The following ARHGAP31 variants were observed in gnomAD, a reference collection of about 807,000 sequenced individuals.
ARHGAP31 encodes the protein Rho GTPase activating protein 31, also known as rho GTPase-activating protein 31.
ARHGAP31 carries 34 observed loss-of-function variants against 113.9 expected under a neutral mutation model. The observed-to-expected ratio is 0.30, with a 90% CI of 0.23 to 0.40. The LOEUF (loss-of-function observed/expected upper bound fraction) is 0.40, where lower values mean the gene tolerates loss of function less well. ARHGAP31 is among the 10% of genes least tolerant of loss of function. The pLI is 1.00. For synonymous variants in ARHGAP31, 650 were observed against 684.8 expected (o/e 0.95, Z 0.79); for missense variants, 1,548 against 1,767.1 (o/e 0.88, Z 2.22).
At chr3:119,332,847 G>A (rs1338053983) in intron 1 of ARHGAP31, among the ~76,000 whole-genome samples, 2 of 152,040 alleles carry the variant, frequency 1.3e-5, no homozygotes, top group Admixed American at 1.3e-4. Context: ...AGAGGTCAAG[G>A]TACTTTCACA....
chr3:119,308,387 G>A (rs1386297376), intron 1 of ARHGAP31, among the ~76,000 whole-genome samples: 2 of 152,216 alleles, frequency 1.3e-5, no homozygotes, highest in Admixed American at 6.5e-5. Flanking sequence ...GGTGCAAGAT[G>A]TATTTCTGGA....
intron 1 of ARHGAP31, among the ~76,000 whole-genome samples, chr3:119,306,465 G>A (rs9830421): frequency 0.056 from 8,452 of 152,262 alleles, 664 homozygotes; most frequent in African/African-American, 0.17. Context: ...GCTGAGGCAC[G>A]AGAATTGCTT....
At chr3:119,321,656 T>G (rs941586960) in intron 1 of ARHGAP31, among the ~76,000 whole-genome samples, 7 of 152,092 alleles carry the variant, frequency 4.6e-5, no homozygotes, top group Admixed American at 2.6e-4. Flanking sequence ...CCGTAGGTTT[T>G]GTTTTGTTTT....
chr3:119,297,789 T>G (rs1038713472), intron 1 of ARHGAP31, among the ~76,000 whole-genome samples: 6 of 152,148 alleles, frequency 3.9e-5, no homozygotes, highest in African/African-American at 1.4e-4. Context: ...TGGACAAACC[T>G]GACAAGGCTG....
intron 1 of ARHGAP31, among the ~76,000 whole-genome samples, chr3:119,325,651 C>T (rs1162189287): frequency 2.4e-3 from 8 of 3,378 alleles, no homozygotes; most frequent in African/African-American, 5.3e-3. Context: ...GTGGGGATGG[C>T]GGGGGTTGGG....
At position 119,329,667 on chromosome 3, in the gene ARHGAP31, G is replaced by A. The variant is rs191559394; in HGVS notation, c.100+34663G>A. ...CTCTCACAGGGCCTTCCCACCCCCA[G>A]CCAGCTGTATCCAAGGTTACAGTGG... On this transcript the variant is annotated intron_variant, in intron 1 of 11. Coordinates refer to ENST00000264245, the MANE Select transcript of ARHGAP31 (RefSeq NM_020754.4). Among the ~76,000 whole-genome samples the A allele has an allele frequency of 1.8e-3, 272 of 152,304 alleles. 1 individual carries two copies. The highest frequency in any genetic ancestry group is 6.3e-3 in the African/African-American group (263 of 41,572).
At position 119,301,351 on chromosome 3, in the gene ARHGAP31, G is replaced by A. The variant is rs910012654; in HGVS notation, c.100+6347G>A. On this transcript the variant is annotated intron_variant, in intron 1 of 11. Coordinates refer to ENST00000264245, the MANE Select transcript of ARHGAP31 (RefSeq NM_020754.4). ...CCTGAAGCTAAGAACAGTCTGCGGG[G>A]TGAGGGAGAGCTGAAGGCCTGCTCT... 2.0e-5 allele frequency among the ~76,000 whole-genome samples: 3 copies of A among 152,234 alleles called. No homozygotes were observed. The South Asian group carries it at 6.2e-4, about 31-fold the overall frequency.
chr3:119,321,308 G>T (rs1311539047), intron 1 of ARHGAP31, among the ~76,000 whole-genome samples: 2 of 123,614 alleles, frequency 1.6e-5, no homozygotes, highest in African/African-American at 5.3e-5. Context: ...ATATATATAT[G>T]TATTATGTAT....
rs1244988009 is a variant in ARHGAP31 at position 119,294,859 on chromosome 3, C to T, written c.-46C>T. ...GAGCCCATCTTACAGCGGTGCCAAG[C>T]AGAGGGGCGGCAGAGACGGAGGGGC... On this transcript the variant is annotated 5_prime_UTR_variant, in exon 1 of 12. Transcript: ENST00000264245. 4 of 1,565,532 alleles carry T rather than the reference C, an allele frequency of 2.6e-6. No homozygotes were observed. Among genetic ancestry groups the T allele is most frequent in the Non-Finnish European group, 3.5e-6 (4 of 1,136,738 alleles).
intron 3 of ARHGAP31, among the ~76,000 whole-genome samples, chr3:119,375,608 AT>A (rs1176649249): frequency 6.6e-6 from 1 of 152,202 alleles, no homozygotes; most frequent in Non-Finnish European, 1.5e-5. Flanking sequence ...AACCTACTGT[AT>A]TTCATTTTTA....
intron 1 of ARHGAP31, among the ~76,000 whole-genome samples, chr3:119,332,616 C>CTT: frequency 8.9e-6 from 1 of 112,800 alleles, no homozygotes; most frequent in Non-Finnish European, 1.7e-5. Context: ...CTCTCTCTCT[C>CTT]TCTCTCTCTC....
chr3:119,349,383 G>A (rs1362561902), intron 1 of ARHGAP31, among the ~76,000 whole-genome samples: 1 of 152,132 alleles, frequency 6.6e-6, no homozygotes, highest in African/African-American at 2.4e-5. Flanking sequence ...TCTATTTGAG[G>A]TTACAGTAAA....
intron 8 of ARHGAP31, among the ~76,000 whole-genome samples, chr3:119,394,730 A>C (rs2080533533): frequency 1.3e-5 from 2 of 152,276 alleles, no homozygotes; most frequent in Admixed American, 1.3e-4. Context: ...TGAGGTGGGC[A>C]GATCACTTGA....
In ARHGAP31 at chr3:119,416,056, T is replaced by C. The variant is rs777499456; in HGVS notation, c.4127T>C (p.Ile1376Thr). 1 of 1,614,038 alleles carries C rather than the reference T, an allele frequency of 6.2e-7. No individual in the cohort carries two copies. The highest frequency in any genetic ancestry group is 8.5e-7 in the Non-Finnish European group (1 of 1,180,044). The change falls in exon 12 of 12, where the codon ATC (isoleucine) becomes ACC (threonine). Residue 1376 changes from isoleucine to threonine, a missense_variant. By Grantham distance (89) the Ile-to-Thr change is moderately conservative (BLOSUM62 -1). Coordinates refer to ENST00000264245, the MANE Select transcript of ARHGAP31 (RefSeq NM_020754.4). Reference sequence around the variant, plus strand: ...GATTCCAAGGTCCTGCTGTCCCCTATCAGAAGTCCCACCCAGACAGTTTCC... The same window carrying C: ...GATTCCAAGGTCCTGCTGTCCCCTACCAGAAGTCCCACCCAGACAGTTTCC... ...VTDSKVLLSPIRSPTQTVSPG... is the reference protein window; with the variant it reads ...VTDSKVLLSPTRSPTQTVSPG...
At position 119,402,270 on chromosome 3, in the gene ARHGAP31, C is replaced by T; in HGVS notation, c.1518C>T (p.Ser506=). 1 of 1,614,276 alleles carries T rather than the reference C, an allele frequency of 6.2e-7. No homozygotes were observed. The highest frequency in any genetic ancestry group is 8.5e-7 in the Non-Finnish European group (1 of 1,180,054). ...TGTCCGCAGTCATCAGCACCAACAGCACGCCGTGCAGAACACCCCCGAAGG... is the reference window on the plus strand; with the variant it reads ...TGTCCGCAGTCATCAGCACCAACAGTACGCCGTGCAGAACACCCCCGAAGG... ...LRVSAVISTN[S]TPCRTPPKEL... is the part of the protein sequence containing the mutation. Residue 506 remains serine, a synonymous_variant, in exon 10 of 12, where the codon AGC becomes AGT. Coordinates refer to ENST00000264245, the MANE Select transcript of ARHGAP31 (RefSeq NM_020754.4).
intron 10 of ARHGAP31, among the ~76,000 whole-genome samples, chr3:119,402,778 A>G (rs1452970153): frequency 6.6e-6 from 1 of 152,212 alleles, no homozygotes; most frequent in Non-Finnish European, 1.5e-5. Flanking sequence ...AAACTCACAG[A>G]ATGGAATGCA....
chr3:119,363,488 T>C (rs1239365018), intron 1 of ARHGAP31, among the ~76,000 whole-genome samples: 1 of 152,116 alleles, frequency 6.6e-6, no homozygotes, highest in East Asian at 1.9e-4. Flanking sequence ...CCAAGTCCAT[T>C]CCCTGAGGGG....
Position 119,328,260 on chromosome 3 carries a change from G to A in ARHGAP31, c.100+33256G>A, listed in dbSNP as rs143375748. Among the ~76,000 whole-genome samples, 454 of 152,240 alleles carry A rather than the reference G, an allele frequency of 3.0e-3. 2 individuals are homozygous for A. Among genetic ancestry groups the A allele is most frequent in the African/African-American group, 0.01 (433 of 41,536 alleles). On this transcript the variant is annotated intron_variant, in intron 1 of 11. Coordinates refer to ENST00000264245, the MANE Select transcript of ARHGAP31 (RefSeq NM_020754.4). ...TGAGACATTAAGAGGGGGGAAAACC[G>A]AATCTAAGAAGACAGTTCTGATGGT...
Position 119,294,506 on chromosome 3 carries a change from C to A in ARHGAP31, c.-399C>A. 2.2e-6 allele frequency: 1 copy of A among 453,790 alleles called. No homozygotes were observed. Among genetic ancestry groups the A allele is most frequent in the South Asian group, 6.6e-5 (1 of 15,080 alleles). The allele number at this position is 453,790 out of a possible 1,614,324, so 28.1% of individuals were successfully genotyped here. ...GCAGCCCCCTGGGCAGTCTCCTCGC[C>A]CCGCGTCCGCGTCGTCTCCGGGGCA... On this transcript the variant is annotated 5_prime_UTR_variant, in exon 1 of 12. Transcript: ENST00000264245.
Sources: allele counts gnomAD v4.1 joint callset (sites outside exome capture counted in the v4.1 genomes callset), GRCh38; gene constraint gnomAD v4.1.1; transcripts MANE v1.5; gene names NCBI Gene and HGNC (gene_info 2026-07-23, HGNC 2026-07-21).